DMD: variants seen among roughly 807,000 people sequenced by gnomAD.
DMD encodes dystrophin.
Under a neutral mutation model 330.1 loss-of-function variants are expected in DMD, and 63 were observed. The ratio of observed to expected loss-of-function variants is 0.19; its 90% CI spans 0.16 to 0.24. The LOEUF (loss-of-function observed/expected upper bound fraction) is 0.24. DMD is among the 10% of genes least tolerant of loss of function. DMD has a pLI of 1.00. For missense variants in DMD, 3,344 were observed against 2,684.1 expected, an observed-to-expected ratio of 1.25 and a Z score of -5.43; for synonymous variants, 1,223 against 959.8, an observed-to-expected ratio of 1.27 and a Z score of -5.07.
intron 50 of DMD, among the ~76,000 whole-genome samples, chrX:31,786,790 C>G (rs2091322870): frequency 1.8e-5 from 2 of 112,041 alleles, no homozygotes; most frequent in South Asian, 7.5e-4. Context: ...TGGTAGAACT[C>G]TGAAAGACCA....
rs112431064 is a variant in DMD at position 31,384,004 on chromosome X, A to G, written c.9085-35370T>C. ...CAGAAGGCTGTCACACTGACCCTCC[A>G]CTGAGCTGTTAACACTTAAGCCATC... On this transcript the variant is annotated intron_variant, in intron 60 of 78. Coordinates refer to ENST00000357033, the MANE Select transcript of DMD (RefSeq NM_004006.3). 6.7e-3 allele frequency among the ~76,000 whole-genome samples: 756 copies of G among 112,011 alleles called. 5 individuals are homozygous for G. The highest frequency in any genetic ancestry group is 0.029 in the East Asian group (102 of 3,544).
chrX:31,730,262 T>C (rs1276565646), intron 51 of DMD, among the ~76,000 whole-genome samples: 1 of 111,978 alleles, frequency 8.9e-6, no homozygotes, highest in African/African-American at 3.2e-5. Flanking sequence ...AAATCAGCTT[T>C]TCTCCTAAGC....
At chrX:32,589,864 C>A (rs1235589039) in intron 13 of DMD, among the ~76,000 whole-genome samples, 2 of 111,398 alleles carry the variant, frequency 1.8e-5, no homozygotes, top group African/African-American at 6.5e-5. Context: ...CCAGCTAAAT[C>A]CTCAAATGGC....
At chrX:31,749,138 TTTATTA>T (rs60724705) in intron 51 of DMD, among the ~76,000 whole-genome samples, 18,039 of 107,414 alleles carry the variant, frequency 0.17, 1,160 homozygotes, top group African/African-American at 0.22. Flanking sequence ...ATTTTGAGAT[TTTATTA>T]TTATTATTAT....
At chrX:31,909,054 A>C (rs2054232) in intron 47 of DMD, among the ~76,000 whole-genome samples, 35,706 of 111,588 alleles carry the variant, frequency 0.32, 4,729 homozygotes, top group African/African-American at 0.51. Flanking sequence ...TTGTAATGTC[A>C]AAATTACCAT....
rs774441184 is a variant in DMD, at chrX:33,128,124, A to C, written c.31+83158T>G. The C allele has an allele frequency of 6.4e-5, 77 of 1,204,377 alleles. 3 individuals are homozygous for C. In the South Asian group the frequency reaches 1.1e-3, roughly 17 times the overall value. ...TATCATTCTTCTGAATGGCTGTTGC[A>C]TTTATCTGCAGCTTTTACTCACCAG... is the stretch of plus-strand genomic sequence containing the variant. On this transcript the variant is annotated intron_variant, in intron 1 of 78. Transcript: ENST00000357033.
At chrX:32,846,296 CTGTG>C (rs1215714538) in intron 3 of DMD, among the ~76,000 whole-genome samples, 9 of 111,757 alleles carry the variant, frequency 8.1e-5, no homozygotes, top group Non-Finnish European at 1.5e-4. Context: ...AAACTTTTGT[CTGTG>C]TCTGTAGAGC....
chrX:32,085,601 T>A (rs1299042919), intron 44 of DMD, among the ~76,000 whole-genome samples: 1 of 85,732 alleles, frequency 1.2e-5, no homozygotes, highest in Non-Finnish European at 2.4e-5. Context: ...TATATGTATA[T>A]ATGTGTATAT....
intron 7 of DMD, among the ~76,000 whole-genome samples, chrX:32,777,277 T>TGGGG (rs546914107): frequency 0.013 from 27 of 2,109 alleles, 5 homozygotes; most frequent in African/African-American, 0.034. Context: ...GGTTTCTGGT[T>TGGGG]GGGGGGGGAA....
At chrX:31,505,012 A>G (rs181406623) in intron 56 of DMD, among the ~76,000 whole-genome samples, 77 of 112,102 alleles carry the variant, frequency 6.9e-4, no homozygotes, top group African/African-American at 2.2e-3. Context: ...CTGACATGCT[A>G]TTTGCCACTT....
chrX:32,247,827 A>G (rs2097247043), intron 43 of DMD, among the ~76,000 whole-genome samples: 1 of 111,365 alleles, frequency 9.0e-6, no homozygotes, highest in Non-Finnish European at 1.9e-5. Flanking sequence ...TATGTTATTC[A>G]GTTTTATATT....
chrX:31,242,843 T>C (rs897177422), intron 63 of DMD, among the ~76,000 whole-genome samples: 12 of 110,641 alleles, frequency 1.1e-4, no homozygotes, highest in Non-Finnish European at 1.9e-4. Flanking sequence ...ACGATACCAC[T>C]AGCAATAAGA....
chrX:31,721,704 C>CCA (rs1569292961), intron 52 of DMD, among the ~76,000 whole-genome samples: 116 of 49,787 alleles, frequency 2.3e-3, no homozygotes, highest in African/African-American at 0.014. Context: ...CTCTCTCTCT[C>CCA]TCTCTCTCTC....
intron 68 of DMD, 105 bp downstream of exon 68, chrX:31,182,633 G>A: frequency 2.6e-6 from 2 of 780,404 alleles, no homozygotes; most frequent in Non-Finnish European, 3.9e-6. Context: ...CCACTTTGGA[G>A]ACGGTACGAA....
At chrX:31,451,183 C>G (rs1410929805) in intron 59 of DMD, among the ~76,000 whole-genome samples, 2 of 92,191 alleles carry the variant, frequency 2.2e-5, no homozygotes, top group Non-Finnish European at 4.3e-5. Context: ...ATACAGGAGA[C>G]TTCTTTCTTT....
intron 1 of DMD, among the ~76,000 whole-genome samples, chrX:33,163,628 C>CTATCTATCTATCTATCTATGTATCTATG (rs2048908642): frequency 1.0e-5 from 1 of 100,082 alleles, no homozygotes; most frequent in Non-Finnish European, 2.0e-5. Context: ...CTCTATCTAT[C>CTATCTATCTATCTATCTATGTATCTATG]TATCTATCTA....
chrX:31,464,549 C>T (rs974002528), intron 59 of DMD, among the ~76,000 whole-genome samples: 1 of 112,084 alleles, frequency 8.9e-6, no homozygotes, highest in African/African-American at 3.2e-5. Context: ...AAAAAGGAAG[C>T]GTTTTGAATG....
chrX:31,146,264 A>C lies in DMD; in HGVS notation c.10921+27T>G. 2.5e-6 allele frequency: 3 copies of C among 1,207,917 alleles called. No homozygotes were observed. In the South Asian group the frequency reaches 5.3e-5, roughly 21 times the overall value. On this transcript the variant is annotated intron_variant, in intron 76 of 78. Coordinates refer to ENST00000357033, the MANE Select transcript of DMD (RefSeq NM_004006.3). Reference sequence around the variant, plus strand: ...CGACTCTACCTTTCTTCAGACAACAAAATCTGAGAGTAGCTAGGACACTTA... The same window carrying C: ...CGACTCTACCTTTCTTCAGACAACACAATCTGAGAGTAGCTAGGACACTTA...
At chrX:32,689,285 A>G (rs1209329055) in intron 9 of DMD, among the ~76,000 whole-genome samples, 1 of 110,883 alleles carries the variant, frequency 9.0e-6, no homozygotes, top group Non-Finnish European at 1.9e-5. Context: ...GACCACTATG[A>G]ACAATTTTAC....
Sources: gnomAD v4.1 joint callset for allele counts (sites outside exome capture counted in the v4.1 genomes callset) on GRCh38, gnomAD v4.1.1 for gene constraint, MANE v1.5 for transcripts, NCBI Gene and HGNC (gene_info 2026-07-23, HGNC 2026-07-21) for gene names.